LRRTM4: variants seen among roughly 807,000 people sequenced by gnomAD.
The protein encoded by LRRTM4 is leucine-rich repeat transmembrane neuronal protein 4.
In LRRTM4, 25 loss-of-function variants were observed where a neutral mutation model predicts 47.6. The observed-to-expected ratio is 0.53, with a 90% CI of 0.38 to 0.73. The LOEUF (loss-of-function observed/expected upper bound fraction) is 0.73, where lower values mean the gene tolerates loss of function less well. Among genes scored for constraint, LRRTM4 ranks in the 30% least tolerant of loss-of-function variants. The pLI, the probability that LRRTM4 is intolerant of heterozygous loss-of-function variation, is 0.00. For missense variants in LRRTM4, 638 were observed against 713.4 expected, an observed-to-expected ratio of 0.89 and a Z score of 1.20; for synonymous variants, 311 against 269.5, an observed-to-expected ratio of 1.15 and a Z score of -1.51.
At position 76,871,230 on chromosome 2, in the gene LRRTM4, A is replaced by C. The variant is rs552181500; in HGVS notation, c.1552-122314T>G. Reference sequence around the variant, plus strand: ...AAAAGAAATAGAAAAGCCTTTTACCAAACTTAAAGCTTCAAACTGCTGTGT... The same window carrying C: ...AAAAGAAATAGAAAAGCCTTTTACCCAACTTAAAGCTTCAAACTGCTGTGT... On this transcript the variant is annotated intron_variant, in intron 3 of 3. Coordinates refer to ENST00000409884, the MANE Select transcript of LRRTM4 (RefSeq NM_001134745.3). Among the ~76,000 whole-genome samples, 11 of 152,336 alleles carry C rather than the reference A, an allele frequency of 7.2e-5. No homozygotes were observed. In the South Asian group the frequency reaches 2.3e-3, roughly 32 times the overall value.
In LRRTM4 at chr2:76,794,482, T is replaced by G. The variant is rs375538788; in HGVS notation, c.1552-45566A>C. Among the ~76,000 whole-genome samples, 14 of 152,322 alleles carry G rather than the reference T, an allele frequency of 9.2e-5. No individual in the cohort carries two copies. In the East Asian group the frequency reaches 1.9e-3, roughly 21 times the overall value. The stretch of plus-strand genomic sequence containing the variant: ...AATAGTTTTTTCTTTCTTTCAAAAT[T>G]TCACTTATTACTGGTATAGGCAAAC... On this transcript the variant is annotated intron_variant, in intron 3 of 3. Transcript: ENST00000409884.
At chr2:77,339,216 A>C (rs1022473357) in intron 3 of LRRTM4, among the ~76,000 whole-genome samples, 3 of 152,042 alleles carry the variant, frequency 2.0e-5, no homozygotes, top group African/African-American at 7.2e-5. Context: ...ATACTCAAGT[A>C]ACAAACCTGC....
intron 3 of LRRTM4, among the ~76,000 whole-genome samples, chr2:77,184,725 A>G (rs1052301712): frequency 3.0e-4 from 46 of 152,234 alleles, no homozygotes; most frequent in African/African-American, 1.1e-3. Flanking sequence ...ATCTACATAA[A>G]TGTTAAATTT....
At chr2:77,223,094 C>A in intron 3 of LRRTM4, among the ~76,000 whole-genome samples, 1 of 151,666 alleles carries the variant, frequency 6.6e-6, no homozygotes, top group South Asian at 2.1e-4. Flanking sequence ...TCAACAGAAC[C>A]AAAGAAAAAA....
chr2:76,922,590 A>T (rs536670729), intron 3 of LRRTM4, among the ~76,000 whole-genome samples: 1 of 152,204 alleles, frequency 6.6e-6, no homozygotes, highest in Admixed American at 6.6e-5. Context: ...TCATAGAAGC[A>T]GAAAGTGGAT....
chr2:77,438,393 ATTTTTTTTTT>A (rs70956631), intron 3 of LRRTM4, among the ~76,000 whole-genome samples: 2 of 100,172 alleles, frequency 2.0e-5, no homozygotes, highest in East Asian at 2.9e-4. Flanking sequence ...GATCATGATA[ATTTTTTTTTT>A]TTTTTTTTTT....
At chr2:76,783,281 A>G (rs1674496182) in intron 3 of LRRTM4, among the ~76,000 whole-genome samples, 1 of 152,320 alleles carries the variant, frequency 6.6e-6, no homozygotes, top group Admixed American at 6.5e-5. Flanking sequence ...CCACCTTTCC[A>G]TACATGAAAA....
At chr2:77,175,378 A>G (rs1573040023) in intron 3 of LRRTM4, among the ~76,000 whole-genome samples, 1 of 151,962 alleles carries the variant, frequency 6.6e-6, no homozygotes, top group African/African-American at 2.4e-5. Flanking sequence ...GTGGAAGGCT[A>G]CCCTGACGCA....
intron 3 of LRRTM4, among the ~76,000 whole-genome samples, chr2:77,203,104 T>TAC (rs1352118660): frequency 6.6e-6 from 1 of 151,746 alleles, no homozygotes. Context: ...TATATATATA[T>TAC]ACACACACAT....
At chr2:77,343,302 T>C (rs1671442503) in intron 3 of LRRTM4, among the ~76,000 whole-genome samples, 1 of 151,954 alleles carries the variant, frequency 6.6e-6, no homozygotes, top group Admixed American at 6.6e-5. Flanking sequence ...GGTCTTGTCA[T>C]AAAATAGATT....
At chr2:77,044,699 A>G (rs988604470) in intron 3 of LRRTM4, among the ~76,000 whole-genome samples, 1 of 151,690 alleles carries the variant, frequency 6.6e-6, no homozygotes, top group Non-Finnish European at 1.5e-5. Context: ...AAATATATAT[A>G]TACACCATAC....
chr2:76,791,165 A>T (rs1047698266), intron 3 of LRRTM4, among the ~76,000 whole-genome samples: 1 of 152,162 alleles, frequency 6.6e-6, no homozygotes, highest in Non-Finnish European at 1.5e-5. Context: ...AAGACAGAAA[A>T]TGATAGAACC....
intron 3 of LRRTM4, among the ~76,000 whole-genome samples, chr2:76,990,746 C>T (rs1558782415): frequency 6.6e-6 from 1 of 151,358 alleles, no homozygotes; most frequent in African/African-American, 2.4e-5. Flanking sequence ...ATCATTGAGG[C>T]AGAAAACTAA....
intron 3 of LRRTM4, among the ~76,000 whole-genome samples, chr2:77,225,882 T>C (rs1674789811): frequency 6.6e-6 from 1 of 151,990 alleles, no homozygotes; most frequent in Non-Finnish European, 1.5e-5. Flanking sequence ...TATATATTGT[T>C]ATTTTTCTAC....
intron 3 of LRRTM4, among the ~76,000 whole-genome samples, chr2:77,201,439 T>C (rs1673971973): frequency 1.3e-5 from 2 of 152,154 alleles, no homozygotes; most frequent in Non-Finnish European, 2.9e-5. Flanking sequence ...CATATAAAAT[T>C]AATTCATTGA....
rs770642376 is a variant in LRRTM4, at chr2:77,518,384, G to C, written c.1485C>G (p.Thr495=). ...YVDYKPTNSE[T]MDISVNGSGP... ...CAGATCCATTAACCGATATATCCAT[G>C]GTCTCAGAGTTTGTAGGCTTGTAGT... Residue 495 remains threonine (T), a synonymous_variant, in exon 3 of 4, where the codon ACC becomes ACG. Transcript: ENST00000409884. 1.4e-5 allele frequency: 22 copies of C among 1,612,784 alleles called. No homozygotes were observed. The Admixed American group carries it at 2.5e-4, about 18-fold the overall frequency.
At chr2:77,496,458 C>T in intron 3 of LRRTM4, among the ~76,000 whole-genome samples, 1 of 151,738 alleles carries the variant, frequency 6.6e-6, no homozygotes, top group East Asian at 1.9e-4. Flanking sequence ...TTAGTAATCA[C>T]CTTTTCACAG....
intron 3 of LRRTM4, among the ~76,000 whole-genome samples, chr2:76,911,273 T>A (rs942700864): frequency 1.3e-5 from 2 of 152,148 alleles, no homozygotes; most frequent in African/African-American, 4.8e-5. Context: ...GCTAACCTCA[T>A]CCCATCATTT....
At chr2:77,435,585 G>T (rs567247489) in intron 3 of LRRTM4, among the ~76,000 whole-genome samples, 1 of 152,128 alleles carries the variant, frequency 6.6e-6, no homozygotes, top group African/African-American at 2.4e-5. Flanking sequence ...GGCCAGTGGT[G>T]ACCAAGAACC....
Sources: gnomAD v4.1 joint callset for allele counts (sites outside exome capture counted in the v4.1 genomes callset) on GRCh38, gnomAD v4.1.1 for gene constraint, MANE v1.5 for transcripts, NCBI Gene and HGNC (gene_info 2026-07-23, HGNC 2026-07-21) for gene names.